The following DNAJB1 variants were observed in gnomAD, a reference collection of about 807,000 sequenced individuals.
DNAJB1 encodes the protein DnaJ heat shock protein family (Hsp40) member B1, also known as dnaJ homolog subfamily B member 1.
A neutral mutation model predicts 24.0 loss-of-function variants in DNAJB1; 14 were observed. The ratio of observed to expected loss-of-function variants is 0.58; its 90% CI spans 0.39 to 0.91. DNAJB1 has a LOEUF of 0.91. Among genes scored for constraint, DNAJB1 ranks in the 40% least tolerant of loss-of-function variants. DNAJB1 has a pLI of 0.00. For missense variants in DNAJB1, 517 were observed against 458.1 expected (o/e 1.13, Z -1.17); for synonymous variants, 262 against 174.4 (o/e 1.50, Z -3.96).
At chr19:14,521,033 G>A (rs558798419), upstream of DNAJB1, among the ~76,000 whole-genome samples, 1 of 152,172 alleles carries the variant, frequency 6.6e-6, no homozygotes, top group African/African-American at 2.4e-5. Flanking sequence ...GGAGCATTAT[G>A]GGGAAAAACT....
upstream of DNAJB1, chr19:14,529,664 G>C: frequency 7.4e-6 from 12 of 1,613,808 alleles, no homozygotes; most frequent in South Asian, 1.1e-5. Context: ...GGCAGCAGCA[G>C]CCGCGGAGCA....
Position 14,516,691 on chromosome 19 carries a change from C to A in DNAJB1, c.567G>T (p.Arg189=), listed in dbSNP as rs765182948. The A allele has an allele frequency of 1.2e-4, 200 of 1,614,022 alleles. No individual in the cohort carries two copies. Among genetic ancestry groups the A allele is most frequent in the Non-Finnish European group, 1.6e-4 (191 of 1,180,032 alleles). The change falls in exon 2 of 3, where the codon CGG becomes CGT. Residue 189 remains arginine (R), a synonymous_variant. Coordinates refer to ENST00000254322, the MANE Select transcript of DNAJB1 (RefSeq NM_006145.3). ...CTKKMKISHK[R]LNPDGKSIRN... ...GAATGCTCTTTCCGTCGGGGTTTAG[C>A]CGCTTGTGGGAGATTTTCATCTTCT...
At chr19:14,547,325 T>G (rs2073340619) in intron 1 of DNAJB1, among the ~76,000 whole-genome samples, 2 of 151,788 alleles carry the variant, frequency 1.3e-5, no homozygotes, top group African/African-American at 4.8e-5. Context: ...GTTACAGGCG[T>G]GAGCCACCGT....
At chr19:14,536,522 G>A (rs1426523169) in intron 1 of DNAJB1, 3 of 152,102 alleles carry the variant, frequency 2.0e-5, no homozygotes, top group Admixed American at 1.3e-4. Context: ...CTCCCACCTT[G>A]GCCTCCCAGA....
At position 14,518,300 on chromosome 19, in the gene DNAJB1, T is replaced by A; in HGVS notation, c.50A>T (p.Asp17Val). 3.1e-6 allele frequency: 5 copies of A among 1,608,520 alleles called. No individual in the cohort carries two copies. Among genetic ancestry groups the A allele is most frequent in the Non-Finnish European group, 4.2e-6 (5 of 1,178,912 alleles). Residue 17 changes from aspartate (D) to valine (V), a missense_variant, in exon 1 of 3, where the codon GAC becomes GTC. Coordinates refer to ENST00000254322, the MANE Select transcript of DNAJB1 (RefSeq NM_006145.3). ...QTLGLARGAS[D>V]EEIKRAYRRQ... is the part of the protein sequence containing the mutation. ...GCGGTAGGCCCGCTTGATCTCCTCG[T>A]CCGACGCGCCGCGGGCCAGGCCCAA...
chr19:14,525,920 G>T (rs780191755), intron 2 of DNAJB1, among the ~76,000 whole-genome samples: 1 of 152,050 alleles, frequency 6.6e-6, no homozygotes, highest in Admixed American at 6.6e-5. Context: ...GCCCTGGCTT[G>T]TCTAGTCCCA....
chr19:14,514,981 G>A lies in DNAJB1; in HGVS notation c.*959C>T, dbSNP rs1467399165. The A allele has an allele frequency of 2.6e-5, 4 of 152,494 alleles. No homozygotes were observed. The highest frequency in any genetic ancestry group is 4.8e-5 in the African/African-American group (2 of 41,408). 9.4% of individuals were successfully genotyped at this position (152,494 alleles called of 1,614,324 possible). A position where few individuals can be genotyped will look rare whatever the true frequency, so the allele number is the denominator to read the frequency against. On this transcript the variant is annotated 3_prime_UTR_variant, in exon 3 of 3. Coordinates refer to ENST00000254322, the MANE Select transcript of DNAJB1 (RefSeq NM_006145.3). ...TATACAGAGAGCACTGGCTGCCGGG[G>A]ACAGGTTTTGAGTGTACACCAACTA...
intron 1 of DNAJB1, among the ~76,000 whole-genome samples, chr19:14,559,364 C>G (rs2073838546): frequency 6.6e-6 from 1 of 152,114 alleles, no homozygotes; most frequent in Non-Finnish European, 1.5e-5. Flanking sequence ...CCTGGCCCCT[C>G]CAATTTGCTT....
At position 14,542,892 on chromosome 19, in the gene DNAJB1, T is replaced by C. The variant is rs2073149558; in HGVS notation, c.-214+7316A>G. On this transcript the variant is annotated intron_variant, in intron 1 of 3. Coordinates refer to the DNAJB1 transcript ENST00000676982. ...GGCATGGCCCTGCCTCTGTCCCTGC[T>C]CGAATCAGGCTCTTACGTAAGCAGA... Among the ~76,000 whole-genome samples the C allele has an allele frequency of 2.6e-5, 4 of 152,106 alleles. 1 individual carries two copies. The South Asian group carries it at 8.3e-4, about 32-fold the overall frequency.
At chr19:14,548,437 C>T (rs1176356641) in intron 1 of DNAJB1, among the ~76,000 whole-genome samples, 1 of 152,192 alleles carries the variant, frequency 6.6e-6, no homozygotes, top group Non-Finnish European at 1.5e-5. Context: ...CATCCCTTAG[C>T]TCAGCATTCT....
At position 14,540,422 on chromosome 19, in the gene DNAJB1, G is replaced by A. The variant is rs536481161; in HGVS notation, c.-214+9786C>T. Reference sequence around the variant, plus strand: ...AAATGTGTGTTTTTGAGGCAGAGTCGTGCTCTGTCACCTAGACTGGAGTGC... The same window carrying A: ...AAATGTGTGTTTTTGAGGCAGAGTCATGCTCTGTCACCTAGACTGGAGTGC... On this transcript the variant is annotated intron_variant, in intron 1 of 3. Transcript: ENST00000676982. 5.3e-5 allele frequency among the ~76,000 whole-genome samples: 8 copies of A among 150,104 alleles called. No individual in the cohort carries two copies. The South Asian group carries it at 1.5e-3, about 28-fold the overall frequency.
At chr19:14,549,111 C>T (rs889539311) in intron 1 of DNAJB1, among the ~76,000 whole-genome samples, 16 of 151,752 alleles carry the variant, frequency 1.1e-4, no homozygotes, top group Admixed American at 2.0e-4. Context: ...GTTCAAAAGC[C>T]GGCAGTAGAC....
chr19:14,522,435 A>T (rs1406875246), upstream of DNAJB1, among the ~76,000 whole-genome samples: 1 of 149,210 alleles, frequency 6.7e-6, no homozygotes, highest in Non-Finnish European at 1.5e-5. Context: ...CAGTGAGCCA[A>T]GATCAGGCCG....
chr19:14,558,457 GCT>G (rs1160178199), intron 1 of DNAJB1, among the ~76,000 whole-genome samples: 2 of 152,114 alleles, frequency 1.3e-5, no homozygotes, highest in Non-Finnish European at 2.9e-5. Context: ...CTGGCTCTTG[GCT>G]CTGCCCTGAC....
At chr19:14,527,774 G>A (rs1187081687) in exon 2 of DNAJB1, 1 of 152,254 alleles carries the variant, frequency 6.6e-6, no homozygotes, top group Non-Finnish European at 1.5e-5. Flanking sequence ...GTGAATTCCA[G>A]ATGGTTCAAC....
upstream of DNAJB1, among the ~76,000 whole-genome samples, chr19:14,552,473 C>G (rs2073562849): frequency 6.6e-6 from 1 of 151,986 alleles, no homozygotes; most frequent in African/African-American, 2.4e-5. Flanking sequence ...GCGAGGGCTT[C>G]CTCGTTCCCA....
Position 14,516,657 on chromosome 19 carries a change from C to T in DNAJB1, c.601G>A (p.Asp201Asn), listed in dbSNP as rs202063146. The change falls in exon 2 of 3, where the codon GAC becomes AAC. Residue 201 changes from aspartate (D) to asparagine (N), a missense_variant. Coordinates refer to ENST00000254322, the MANE Select transcript of DNAJB1 (RefSeq NM_006145.3). The part of the protein sequence containing the change: ...NPDGKSIRNE[D>N]KILTIEVKKG... The stretch of plus-strand genomic sequence containing the variant: ...TTCACTTCGATGGTCAATATTTTGT[C>T]TTCGTTTCGAATGCTCTTTCCGTCG... The T allele has an allele frequency of 1.1e-5, 17 of 1,614,196 alleles. No homozygotes were observed. Among genetic ancestry groups the T allele is most frequent in the Non-Finnish European group, 1.4e-5 (16 of 1,180,032 alleles).
At chr19:14,553,351 G>C (rs1003982199), upstream of DNAJB1, among the ~76,000 whole-genome samples, 1 of 152,172 alleles carries the variant, frequency 6.6e-6, no homozygotes, top group African/African-American at 2.4e-5. Context: ...GAAGACAGGA[G>C]CAGAGCGGTC....
chr19:14,559,323 A>ACT (rs2073836954), intron 1 of DNAJB1, among the ~76,000 whole-genome samples: 2 of 151,968 alleles, frequency 1.3e-5, no homozygotes, highest in African/African-American at 4.8e-5. Flanking sequence ...GGTACCCAGC[A>ACT]GCAGCCACTC....
Sources: allele counts gnomAD v4.1 joint callset (sites outside exome capture counted in the v4.1 genomes callset), GRCh38; gene constraint gnomAD v4.1.1; transcripts MANE v1.5; gene names NCBI Gene and HGNC (gene_info 2026-07-23, HGNC 2026-07-21).